Variants in GRIN2B observed in about 807,000 individuals in gnomAD.
The protein encoded by GRIN2B is glutamate ionotropic receptor NMDA type subunit 2B, also known as glutamate receptor ionotropic, NMDA 2B.
GRIN2B carries 5 observed loss-of-function variants against 114.5 expected under a neutral mutation model. The observed-to-expected ratio is 0.04, with a 90% CI of 0.02 to 0.09. GRIN2B has a LOEUF of 0.09. Ranked by LOEUF, GRIN2B falls within the 10% of genes least tolerant of loss-of-function variation. GRIN2B has a pLI of 1.00. For missense variants in GRIN2B, 1,108 were observed against 1,943.5 expected (o/e 0.57, Z 8.08); for synonymous variants, 787 against 745.1 (o/e 1.06, Z -0.92).
rs1316499451 is a variant in GRIN2B, at chr12:13,767,414, A to AT, written c.412-13500dup. Among the ~76,000 whole-genome samples the AT allele has an allele frequency of 1.1e-4, 17 of 152,130 alleles. 1 individual carries two copies. The South Asian group carries it at 2.3e-3, about 20-fold the overall frequency. ...CCTCCATGTCTGTTAAAGAAATGTA[A>AT]TTTTTTTTCTAATTTTCTTACTGAT... On this transcript the variant is annotated intron_variant, in intron 3 of 13. Transcript: ENST00000609686.
chr12:13,868,584 A>G (rs1280215025), intron 2 of GRIN2B, among the ~76,000 whole-genome samples: 1 of 152,228 alleles, frequency 6.6e-6, no homozygotes, highest in Non-Finnish European at 1.5e-5. Flanking sequence ...TACAGTTACA[A>G]GTCACTAAAT....
intron 3 of GRIN2B, among the ~76,000 whole-genome samples, chr12:13,825,806 C>A (rs1425673106): frequency 6.6e-6 from 1 of 151,866 alleles, no homozygotes; most frequent in East Asian, 1.9e-4. Context: ...CATGAGCCAC[C>A]GCACCCGGCC....
chr12:13,914,652 C>G (rs1190086213), intron 2 of GRIN2B, among the ~76,000 whole-genome samples: 1 of 152,132 alleles, frequency 6.6e-6, no homozygotes, highest in Non-Finnish European at 1.5e-5. Flanking sequence ...TCACAATAGT[C>G]AAAATCTGGA....
intron 5 of GRIN2B, among the ~76,000 whole-genome samples, chr12:13,627,473 G>C (rs544204569): frequency 6.6e-6 from 1 of 152,214 alleles, no homozygotes; most frequent in African/African-American, 2.4e-5. Flanking sequence ...AGCATGGTGA[G>C]CCCTGAGTAA....
At chr12:13,921,447 A>T (rs1403283536) in intron 2 of GRIN2B, among the ~76,000 whole-genome samples, 1 of 152,148 alleles carries the variant, frequency 6.6e-6, no homozygotes, top group Non-Finnish European at 1.5e-5. Flanking sequence ...AAAATATAAA[A>T]GCTAAGAGAA....
At chr12:13,752,288 G>A (rs1446196777) in intron 4 of GRIN2B, among the ~76,000 whole-genome samples, 3 of 152,144 alleles carry the variant, frequency 2.0e-5, no homozygotes, top group Non-Finnish European at 4.4e-5. Flanking sequence ...ATTTCAAAGG[G>A]ATGTCCAACA....
intron 10 of GRIN2B, among the ~76,000 whole-genome samples, chr12:13,575,080 T>C (rs2136419745): frequency 6.6e-6 from 1 of 152,316 alleles, no homozygotes; most frequent in Admixed American, 6.5e-5. Context: ...AAAATGTAAA[T>C]ACTAGAATTA....
At chr12:13,807,708 G>GTT (rs1864631145) in intron 3 of GRIN2B, among the ~76,000 whole-genome samples, 2 of 101,190 alleles carry the variant, frequency 2.0e-5, no homozygotes, top group African/African-American at 3.4e-5. Flanking sequence ...TAAGCAGAAG[G>GTT]CTTTTTTTTT....
intron 3 of GRIN2B, among the ~76,000 whole-genome samples, chr12:13,777,149 C>A (rs114408212): frequency 0.018 from 2,701 of 152,238 alleles, 81 homozygotes; most frequent in African/African-American, 0.062. Flanking sequence ...ATGGATGTTT[C>A]AGCCCACATC....
chr12:13,705,890 T>G (rs1439995793), intron 4 of GRIN2B, among the ~76,000 whole-genome samples: 4 of 152,108 alleles, frequency 2.6e-5, no homozygotes, highest in Non-Finnish European at 4.4e-5. Flanking sequence ...TTCACATTAA[T>G]GAAGGGTTGT....
At position 13,563,690 on chromosome 12, in the gene GRIN2B, G is replaced by A. The variant is rs2136404253; in HGVS notation, c.3548C>T (p.Thr1183Met). Reference protein sequence around the residue: ...CTNRSHIKHGTGDKHGVVSGV... With the variant: ...CTNRSHIKHGMGDKHGVVSGV... Reference sequence around the variant, plus strand: ...GCTGACCACGCCGTGTTTGTCGCCCGTCCCGTGCTTGATGTGAGACCTGTT... The same window carrying A: ...GCTGACCACGCCGTGTTTGTCGCCCATCCCGTGCTTGATGTGAGACCTGTT... The change falls in exon 14 of 14, where the codon ACG becomes ATG. Residue 1183 changes from threonine (T) to methionine (M), a missense_variant. Coordinates refer to ENST00000609686, the MANE Select transcript of GRIN2B (RefSeq NM_000834.5). The A allele has an allele frequency of 1.2e-6, 2 of 1,613,478 alleles. No individual in the cohort carries two copies. Among genetic ancestry groups the A allele is most frequent in the South Asian group, 1.1e-5 (1 of 91,074 alleles).
intron 3 of GRIN2B, among the ~76,000 whole-genome samples, chr12:13,832,366 T>C (rs1440095423): frequency 6.6e-6 from 1 of 152,168 alleles, no homozygotes; most frequent in Non-Finnish European, 1.5e-5. Context: ...ATCTCACCCT[T>C]ATCCTCTGAA....
At chr12:13,611,529 C>G (rs1294932358) in intron 9 of GRIN2B, among the ~76,000 whole-genome samples, 196 bp downstream of exon 9, 1 of 152,140 alleles carries the variant, frequency 6.6e-6, no homozygotes, top group Non-Finnish European at 1.5e-5. Context: ...TAAAGCAGAC[C>G]TATAGATTCA....
At chr12:13,595,832 A>G (rs1565468123) in intron 10 of GRIN2B, among the ~76,000 whole-genome samples, 1 of 152,208 alleles carries the variant, frequency 6.6e-6, no homozygotes, top group Admixed American at 6.5e-5. Flanking sequence ...ATTTATAGGT[A>G]GTTGGCCACA....
At chr12:13,640,721 A>T (rs1949707314) in intron 5 of GRIN2B, among the ~76,000 whole-genome samples, 1 of 152,188 alleles carries the variant, frequency 6.6e-6, no homozygotes, top group South Asian at 2.1e-4. Flanking sequence ...ACTATCTATT[A>T]TGAATGAGAA....
In GRIN2B at chr12:13,869,221, TTTTC is replaced by T. The variant is rs141571877; in HGVS notation, c.-18-2999_-18-2996del. ...TGAGCACTTATAACCTAGAGAACTTTTTTCTTTTTCTTTTTTTTTCTTTTTTTTT... is the reference window on the plus strand; with the variant it reads ...TGAGCACTTATAACCTAGAGAACTTTTTTTTCTTTTTTTTTCTTTTTTTTT... On this transcript the variant is annotated intron_variant, in intron 2 of 13. Transcript: ENST00000609686. Among the ~76,000 whole-genome samples the T allele has an allele frequency of 5.8e-3, 877 of 150,522 alleles. 5 individuals carry two copies. Among genetic ancestry groups the T allele is most frequent in the Non-Finnish European group, 9.1e-3 (615 of 67,770 alleles).
At chr12:13,630,070 G>A (rs942077863) in intron 5 of GRIN2B, among the ~76,000 whole-genome samples, 2 of 152,190 alleles carry the variant, frequency 1.3e-5, no homozygotes, top group African/African-American at 4.8e-5. Context: ...GGCAGGGACT[G>A]AATATTATCA....
chr12:13,778,932 A>AG (rs5796561), intron 3 of GRIN2B, among the ~76,000 whole-genome samples: 133,333 of 152,220 alleles, frequency 0.88, 58,515 homozygotes, highest in East Asian at 1. Flanking sequence ...ACCCCTTCAA[A>AG]TGACCCAGAA....
chr12:13,640,377 T>C (rs1289266870), intron 5 of GRIN2B, among the ~76,000 whole-genome samples: 1 of 152,198 alleles, frequency 6.6e-6, no homozygotes, highest in Non-Finnish European at 1.5e-5. Context: ...TCATAAGTGA[T>C]AGTCAAAACC....
Sources: gnomAD v4.1 joint callset for allele counts (sites outside exome capture counted in the v4.1 genomes callset) on GRCh38, gnomAD v4.1.1 for gene constraint, MANE v1.5 for transcripts, NCBI Gene and HGNC (gene_info 2026-07-23, HGNC 2026-07-21) for gene names.